The following KCNQ1 variants were observed in gnomAD, a reference collection of about 807,000 sequenced individuals.
KCNQ1 encodes the protein potassium voltage-gated channel subfamily KQT member 1.
KCNQ1 carries 49 observed loss-of-function variants against 72.4 expected under a neutral mutation model. The observed-to-expected ratio is 0.68, with a 90% confidence interval of 0.54 to 0.86. The LOEUF is 0.86. Ranked by LOEUF, KCNQ1 falls within the 40% of genes least tolerant of loss-of-function variation. KCNQ1 has a pLI of 0.00. For missense variants in KCNQ1, 790 were observed against 945.1 expected, an observed-to-expected ratio of 0.84 and a Z score of 2.15; for synonymous variants, 450 against 412.6, an observed-to-expected ratio of 1.09 and a Z score of -1.10.
Position 2,627,882 on chromosome 11 carries a change from C to G in KCNQ1, c.1394-34079C>G. The G allele has an allele frequency of 2.5e-6, 1 of 398,802 alleles. No homozygotes were observed. The allele number at this position is 398,802 out of a possible 1,614,324, so 24.7% of individuals were successfully genotyped here. Reference sequence around the variant, plus strand: ...CCTCCTGCCTCAGCCTCCTGAGTAGCTGGGACCACAGTCATGCACCCCCAT... The same window carrying G: ...CCTCCTGCCTCAGCCTCCTGAGTAGGTGGGACCACAGTCATGCACCCCCAT... On this transcript the variant is annotated intron_variant, in intron 10 of 15. Coordinates refer to ENST00000155840, the MANE Select transcript of KCNQ1 (RefSeq NM_000218.3). The surrounding 1 kb of genome is among the most constrained non-coding windows in gnomAD (Gnocchi z 4.9).
intron 15 of KCNQ1, among the ~76,000 whole-genome samples, chr11:2,807,455 A>C (rs1394164244): frequency 6.6e-6 from 1 of 151,870 alleles, no homozygotes; most frequent in African/African-American, 2.4e-5. Context: ...TCGCCCCCCC[A>C]CTCCGGGCCC....
rs80057059 is a variant in KCNQ1, at chr11:2,600,393, C to A, written c.1393+11539C>A. 7.7e-4 allele frequency among the ~76,000 whole-genome samples: 117 copies of A among 152,272 alleles called. No individual in the cohort carries two copies. The highest frequency in any genetic ancestry group is 2.6e-3 in the African/African-American group (107 of 41,562). On this transcript the variant is annotated intron_variant, in intron 10 of 15. Coordinates refer to ENST00000155840, the MANE Select transcript of KCNQ1 (RefSeq NM_000218.3). The surrounding 1 kb of genome is among the most constrained non-coding windows in gnomAD (Gnocchi z 5.6). ...CACGAGATATAAAAACACCTACATA[C>A]CCTTCACTAAGATTTACCAGTTTAC...
chr11:2,648,981 C>CTTTTTTTTTTTTTTTTTTTTTTTTTTTT, intron 10 of KCNQ1: 3 of 213,306 alleles, frequency 1.4e-5, no homozygotes, highest in Admixed American at 9.7e-5. Flanking sequence ...TTTTCTTTTT[C>CTTTTTTTTTTTTTTTTTTTTTTTTTTTT]TTTTTTTTTT....
Position 2,653,506 on chromosome 11 carries a change from T to A in KCNQ1, c.1394-8455T>A, listed in dbSNP as rs1849789878. The A allele has an allele frequency of 2.5e-6, 1 of 398,604 alleles. No homozygotes were observed. Among genetic ancestry groups the A allele is most frequent in the South Asian group, 1.3e-4 (1 of 7,858 alleles). The allele number at this position is 398,604 out of a possible 1,614,324, so 24.7% of individuals were successfully genotyped here. On this transcript the variant is annotated intron_variant, in intron 10 of 15. Coordinates refer to ENST00000155840, the MANE Select transcript of KCNQ1 (RefSeq NM_000218.3). This position sits in a 1 kb window ranked among gnomAD's most constrained non-coding sequence, Gnocchi z 5.3. ...ACACAGCTGGACCCCAGAGCTGAGATGATCTTGCTCACTTGCTCTCACTCT... is the reference window on the plus strand; with the variant it reads ...ACACAGCTGGACCCCAGAGCTGAGAAGATCTTGCTCACTTGCTCTCACTCT...
At chr11:2,644,758 T>G in intron 10 of KCNQ1, 1 of 398,636 alleles carries the variant, frequency 2.5e-6, no homozygotes, top group East Asian at 3.6e-5. Flanking sequence ...GGCACTTTGG[T>G]TTTGATTCTG....
chr11:2,653,715 A>C lies in KCNQ1; in HGVS notation c.1394-8246A>C. Reference sequence around the variant, plus strand: ...CCAGCAGAACGAGGTCATCTCTTCCAGGATTCCTGCCAGAATCTAAGGCCA... The same window carrying C: ...CCAGCAGAACGAGGTCATCTCTTCCCGGATTCCTGCCAGAATCTAAGGCCA... On this transcript the variant is annotated intron_variant, in intron 10 of 15. Transcript: ENST00000155840. This position sits in a 1 kb window ranked among gnomAD's most constrained non-coding sequence, Gnocchi z 5.3. 2.5e-6 allele frequency: 1 copy of C among 398,686 alleles called. No homozygotes were observed. The allele number at this position is 398,686 out of a possible 1,614,324, so 24.7% of individuals were successfully genotyped here. A position where few individuals can be genotyped will look rare whatever the true frequency, so the allele number is the denominator to read the frequency against.
chr11:2,679,067 C>T lies in KCNQ1; in HGVS notation c.1514+16986C>T, dbSNP rs1850343097. Reference sequence around the variant, plus strand: ...CTCCATACCAACCACCAAAAAAACCCACTAACACCATAAAGTGTCATAGCT... The same window carrying T: ...CTCCATACCAACCACCAAAAAAACCTACTAACACCATAAAGTGTCATAGCT... On this transcript the variant is annotated intron_variant, in intron 11 of 15. Coordinates refer to ENST00000155840, the MANE Select transcript of KCNQ1 (RefSeq NM_000218.3). The surrounding 1 kb of genome is among the most constrained non-coding windows in gnomAD (Gnocchi z 4.8). 1 of 398,630 alleles carries T rather than the reference C, an allele frequency of 2.5e-6. No homozygotes were observed. Among genetic ancestry groups the T allele is most frequent in the East Asian group, 3.6e-5 (1 of 28,082 alleles). The allele number at this position is 398,630 out of a possible 1,614,324, so 24.7% of individuals were successfully genotyped here.
At position 2,679,728 on chromosome 11, in the gene KCNQ1, T is replaced by A. The variant is rs1056309378; in HGVS notation, c.1514+17647T>A. ...GCCGTTCTCTGTATTCTTGTCCAGA[T>A]GCTGTGGACAGTGATGATGGGAAAA... On this transcript the variant is annotated intron_variant, in intron 11 of 15. Coordinates refer to ENST00000155840, the MANE Select transcript of KCNQ1 (RefSeq NM_000218.3). The surrounding 1 kb of genome is among the most constrained non-coding windows in gnomAD (Gnocchi z 4.8). The A allele has an allele frequency of 5.0e-6, 2 of 398,586 alleles. No homozygotes were observed. The highest frequency in any genetic ancestry group is 4.4e-5 in the Admixed American group (1 of 22,730). 24.7% of individuals were successfully genotyped at this position (398,586 alleles called of 1,614,324 possible).
At position 2,734,606 on chromosome 11, in the gene KCNQ1, GT is replaced by G. The variant is rs1564875814; in HGVS notation, c.1515-34234del. On this transcript the variant is annotated intron_variant, in intron 11 of 15. Transcript: ENST00000155840. This position sits in a 1 kb window ranked among gnomAD's most constrained non-coding sequence, Gnocchi z 7.0. ...GGCTGCTGGGTGGGGGATAACAGGG[GT>G]TTTCCGAGGCCCTGAAGGACTGGAG... Among the ~76,000 whole-genome samples the G allele has an allele frequency of 6.6e-6, 1 of 151,982 alleles. No homozygotes were observed. The highest frequency in any genetic ancestry group is 1.5e-5 in the Non-Finnish European group (1 of 68,000).
chr11:2,448,848 G>A (rs753317170), intron 1 of KCNQ1, among the ~76,000 whole-genome samples: 31 of 152,324 alleles, frequency 2.0e-4, no homozygotes, highest in African/African-American at 6.3e-4. Context: ...TTCTAGATCC[G>A]CTCTTGCCAA....
intron 15 of KCNQ1, among the ~76,000 whole-genome samples, chr11:2,811,743 C>T (rs1847489922): frequency 6.6e-6 from 1 of 152,206 alleles, no homozygotes; most frequent in Non-Finnish European, 1.5e-5. Flanking sequence ...GGAGACGGTG[C>T]AGCAGTGGGC....
intron 11 of KCNQ1, chr11:2,662,298 T>C (rs1471381578): frequency 3.3e-6 from 2 of 606,804 alleles, no homozygotes; most frequent in Non-Finnish European, 5.8e-6. Context: ...TCCTCTTGTT[T>C]TGACTTATGG....
Position 2,612,000 on chromosome 11 carries a change from A to C in KCNQ1, c.1393+23146A>C, listed in dbSNP as rs1468109325. 2.5e-6 allele frequency: 1 copy of C among 398,536 alleles called. No individual in the cohort carries two copies. 24.7% of individuals were successfully genotyped at this position (398,536 alleles called of 1,614,324 possible). ...CTTCTCAGTACTCTTATTAACACAT[A>C]TGTTGTTACTCCTTAATTCCACATA... On this transcript the variant is annotated intron_variant, in intron 10 of 15. Coordinates refer to ENST00000155840, the MANE Select transcript of KCNQ1 (RefSeq NM_000218.3). This position sits in a 1 kb window ranked among gnomAD's most constrained non-coding sequence, Gnocchi z 5.3.
rs907279159 is a variant in KCNQ1, at chr11:2,464,671, G to C, written c.386+19187G>C. 7.9e-5 allele frequency among the ~76,000 whole-genome samples: 12 copies of C among 152,182 alleles called. No individual in the cohort carries two copies. Among genetic ancestry groups the C allele is most frequent in the Admixed American group, 5.9e-4 (9 of 15,286 alleles). On this transcript the variant is annotated intron_variant, in intron 1 of 15. Coordinates refer to ENST00000155840, the MANE Select transcript of KCNQ1 (RefSeq NM_000218.3). The surrounding 1 kb of genome is among the most constrained non-coding windows in gnomAD (Gnocchi z 5.0). ...CAGTGCCTCTGTGTGGCAGATTCCA[G>C]CTTCTCTCAGGGGCCAGGATTACAT...
At position 2,690,715 on chromosome 11, in the gene KCNQ1, G is replaced by T; in HGVS notation, c.1514+28634G>T. 1 of 398,626 alleles carries T rather than the reference G, an allele frequency of 2.5e-6. No homozygotes were observed. The highest frequency in any genetic ancestry group is 1.3e-4 in the South Asian group (1 of 7,852). 24.7% of individuals were successfully genotyped at this position (398,626 alleles called of 1,614,324 possible). ...CAGAATTCCTGAGGGCTTTCCATTT[G>T]ATCCCAGTGGTTGAAGATGGAGTAT... On this transcript the variant is annotated intron_variant, in intron 11 of 15. Transcript: ENST00000155840. This position sits in a 1 kb window ranked among gnomAD's most constrained non-coding sequence, Gnocchi z 5.1.
intron 11 of KCNQ1, among the ~76,000 whole-genome samples, chr11:2,701,889 G>T (rs1357842722): frequency 6.6e-6 from 1 of 152,248 alleles, no homozygotes; most frequent in Non-Finnish European, 1.5e-5. Flanking sequence ...CCCGCCTGTA[G>T]GATGGAGGTG....
At chr11:2,841,908 G>T (rs866259164) in intron 15 of KCNQ1, among the ~76,000 whole-genome samples, 2 of 152,282 alleles carry the variant, frequency 1.3e-5, no homozygotes, top group Non-Finnish European at 2.9e-5. Context: ...CCCCGCTCCT[G>T]GGGGGTGGTC....
At chr11:2,499,697 T>C (rs1846978989) in intron 1 of KCNQ1, among the ~76,000 whole-genome samples, 1 of 152,070 alleles carries the variant, frequency 6.6e-6, no homozygotes, top group Non-Finnish European at 1.5e-5. Context: ...GAGTTCAAGA[T>C]AATAACTATA....
rs117300375 is a variant in KCNQ1, at chr11:2,742,990, C to T, written c.1515-25854C>T. On this transcript the variant is annotated intron_variant, in intron 11 of 15. Coordinates refer to ENST00000155840, the MANE Select transcript of KCNQ1 (RefSeq NM_000218.3). ...AGGGAGTGCAGGTGGTTTGTTCTTG[C>T]CTCAGATCCAGGAGAGCAGCTTTTT... Among the ~76,000 whole-genome samples the T allele has an allele frequency of 1.1e-3, 163 of 152,336 alleles. 1 individual carries two copies. In the East Asian group the frequency reaches 0.03, roughly 28 times the overall value.
Sources: gnomAD v4.1 joint callset for allele counts (sites outside exome capture counted in the v4.1 genomes callset) on GRCh38, gnomAD v4.1.1 for gene constraint, Gnocchi (gnomAD v3.1) non-coding constraint, MANE v1.5 for transcripts, NCBI Gene and HGNC (gene_info 2026-07-23, HGNC 2026-07-21) for gene names.